Variants in HERC2 observed in about 807,000 individuals in gnomAD.
The protein encoded by HERC2 is HECT and RLD domain containing E3 ubiquitin protein ligase 2.
HERC2 carries 102 observed loss-of-function variants against 537.7 expected under a neutral mutation model. The observed-to-expected ratio is 0.19, with a 90% CI of 0.16 to 0.22. The LOEUF (loss-of-function observed/expected upper bound fraction) is 0.22, where lower values mean the gene tolerates loss of function less well. Among genes scored for constraint, HERC2 ranks in the 10% least tolerant of loss-of-function variants. The pLI, the probability that HERC2 is intolerant of heterozygous loss-of-function variation, is 1.00. For synonymous variants in HERC2, 2,224 were observed against 2,466.2 expected, an observed-to-expected ratio of 0.90 and a Z score of 2.91; for missense variants, 4,236 against 6,198.2, an observed-to-expected ratio of 0.68 and a Z score of 10.63.
At chr15:28,117,944 T>A in intron 86 of HERC2, 3 of 241,084 alleles carry the variant, frequency 1.2e-5, no homozygotes, top group Middle Eastern at 1.6e-3. Context: ...AAAAGAAAAA[T>A]TGAAGAAAAA....
rs148842793 is a variant in HERC2, at chr15:28,144,819, C to T, written c.11009-15G>A. 1.8e-4 allele frequency: 292 copies of T among 1,613,996 alleles called. No individual in the cohort carries two copies. The highest frequency in any genetic ancestry group is 4.0e-4 in the East Asian group (18 of 44,876). On this transcript the variant is annotated splice_polypyrimidine_tract_variant and intron_variant, in intron 71 of 92. Coordinates refer to ENST00000261609, the MANE Select transcript of HERC2 (RefSeq NM_004667.6). ...CCACTCTCGGCCTGCGGGAGGAAAG[C>T]GCACCCCGGGGTTAGCTTCACTCCA...
intron 35 of HERC2, among the ~76,000 whole-genome samples, chr15:28,227,862 C>G (rs1173917475): frequency 6.6e-6 from 1 of 152,006 alleles, no homozygotes; most frequent in Non-Finnish European, 1.5e-5. Context: ...GACACAAAGG[C>G]CACAAATGGT....
intron 78 of HERC2, among the ~76,000 whole-genome samples, chr15:28,140,309 C>A (rs1359973666): frequency 1.3e-5 from 2 of 152,062 alleles, no homozygotes; most frequent in Non-Finnish European, 2.9e-5. Flanking sequence ...ACCGCAACCC[C>A]AGCCTGCACC....
rs200515902 is a variant in HERC2 at position 28,274,926 on chromosome 15, G to C, written c.622C>G (p.Leu208Val). 7.2e-5 allele frequency: 116 copies of C among 1,611,648 alleles called. No individual in the cohort carries two copies. The highest frequency in any genetic ancestry group is 7.6e-6 in the Non-Finnish European group (9 of 1,179,792). ...RAALSFAFAF[L>V]RRAWRSGEDA... ...GTACCTGATCGCCAGGCCCTGCGCA[G>C]GAAGGCAAAGGCAAAAGACAGCGCC... is the stretch of plus-strand genomic sequence containing the variant. Residue 208 changes from leucine (L) to valine (V), a missense_variant, in exon 6 of 93, where the codon CTG becomes GTG. Physicochemically the swap from Leu to Val is conservative, Grantham distance 32. Around this residue, in one of 27 missense-constraint regions of HERC2, gnomAD observed 491 missense variants for 559.3 expected, o/e 0.88. Transcript: ENST00000261609.
intron 35 of HERC2, among the ~76,000 whole-genome samples, chr15:28,227,913 A>T (rs1901389056): frequency 6.6e-6 from 1 of 152,198 alleles, no homozygotes; most frequent in South Asian, 2.1e-4. Context: ...ATGCAAATCC[A>T]TAGACAGGGA....
intron 2 of HERC2, among the ~76,000 whole-genome samples, chr15:28,318,787 A>G (rs1471861012): frequency 6.6e-6 from 1 of 151,660 alleles, no homozygotes; most frequent in African/African-American, 2.4e-5. Flanking sequence ...TGCTCTCTAT[A>G]ACACACAAGC....
intron 2 of HERC2, among the ~76,000 whole-genome samples, chr15:28,318,047 T>C (rs2077135702): frequency 6.6e-6 from 1 of 152,220 alleles, no homozygotes; most frequent in South Asian, 2.1e-4. Flanking sequence ...CATTCTGGAC[T>C]TATGCTCAAA....
At chr15:28,238,531 T>G in intron 24 of HERC2, 71 bp downstream of exon 24, 2 of 1,288,994 alleles carry the variant, frequency 1.6e-6, no homozygotes, top group Non-Finnish European at 2.2e-6. Context: ...AAATCATTTA[T>G]AAGCCAAATA....
intron 9 of HERC2, 92 bp downstream of exon 9, chr15:28,272,123 A>G: frequency 8.4e-7 from 1 of 1,192,828 alleles, no homozygotes; most frequent in African/African-American, 1.5e-5. Flanking sequence ...ACGCCAGAGA[A>G]AAACACTGCC....
intron 65 of HERC2, among the ~76,000 whole-genome samples, chr15:28,170,216 G>T (rs1200918629): frequency 6.6e-6 from 1 of 152,168 alleles, no homozygotes; most frequent in Admixed American, 6.5e-5. Flanking sequence ...AAATGTACAT[G>T]GAAAGGCAAA....
At position 28,233,498 on chromosome 15, in the gene HERC2, G is replaced by A. The variant is rs370718552; in HGVS notation, c.4415C>T (p.Thr1472Met). 9.8e-6 allele frequency: 15 copies of A among 1,533,238 alleles called. No individual in the cohort carries two copies. The highest frequency in any genetic ancestry group is 2.2e-5 in the East Asian group (1 of 44,458). The allele number at this position is 1,533,238 out of a possible 1,614,324, so 95.0% of individuals were successfully genotyped here. Residue 1472 changes from threonine (T) to methionine (M), a missense_variant, in exon 29 of 93, where the codon ACG becomes ATG. Thr to Met is a moderately conservative substitution (Grantham distance 81). Coordinates refer to ENST00000261609, the MANE Select transcript of HERC2 (RefSeq NM_004667.6). ...ALGIEQVKHR[T>M]LPKSVVDVCR... ...AACATCCACCACTGACTTAGGCAAC[G>A]TTCTGTGCTTTACTTGCTCAATACC... is the stretch of plus-strand genomic sequence containing the variant.
chr15:28,301,801 C>CTT (rs11307271), intron 2 of HERC2, among the ~76,000 whole-genome samples: 1 of 48,314 alleles, frequency 2.1e-5, no homozygotes, highest in Non-Finnish European at 4.1e-5. Flanking sequence ...TTCTATCTAA[C>CTT]TTTTTTTTTT....
At chr15:28,160,229 G>A (rs187786529) in intron 69 of HERC2, among the ~76,000 whole-genome samples, 66 of 152,280 alleles carry the variant, frequency 4.3e-4, no homozygotes, top group East Asian at 5.8e-4. Context: ...CTCAAACTCC[G>A]TTCTGGGAGA....
chr15:28,167,587 G>C, intron 68 of HERC2, 100 bp downstream of exon 68: 1 of 1,403,536 alleles, frequency 7.1e-7, no homozygotes, highest in Non-Finnish European at 1.0e-6. Flanking sequence ...AGGTGAATGG[G>C]ATAGGAATAG....
chr15:28,230,278 C>T, intron 31 of HERC2, 89 bp downstream of exon 31: 3 of 1,355,522 alleles, frequency 2.2e-6, no homozygotes, highest in Non-Finnish European at 3.1e-6. Context: ...CCGTCCCTCC[C>T]TCCAGATGCT....
At position 28,116,777 on chromosome 15, in the gene HERC2, G is replaced by T. The variant is rs772882556; in HGVS notation, c.13497C>A (p.Pro4499=). 1.2e-6 allele frequency: 2 copies of T among 1,613,856 alleles called. No homozygotes were observed. The highest frequency in any genetic ancestry group is 1.7e-6 in the Non-Finnish European group (2 of 1,180,012). ...TCCCGTTGGGTGTCACGATCAGCAG[G>T]GGCGTGAGTCCGTTCTGCAGCTCCT... ...ICEELQNGLT[P]LLIVTPNGRD... The change falls in exon 88 of 93, where the codon CCC becomes CCA. Residue 4499 remains proline, a synonymous_variant. Transcript: ENST00000261609.
intron 44 of HERC2, among the ~76,000 whole-genome samples, chr15:28,208,033 G>A (rs1231421869): frequency 6.6e-6 from 1 of 152,146 alleles, no homozygotes; most frequent in African/African-American, 2.4e-5. Flanking sequence ...CTGCTCATTG[G>A]GCTGAGTGCA....
intron 4 of HERC2, among the ~76,000 whole-genome samples, chr15:28,284,363 C>A (rs1023741529): frequency 6.6e-6 from 1 of 151,232 alleles, no homozygotes; most frequent in Non-Finnish European, 1.5e-5. Flanking sequence ...ATAGAAAATA[C>A]AAAACAAAAT....
chr15:28,255,905 T>G lies in HERC2; in HGVS notation c.2838A>C (p.Ser946=). 6.2e-7 allele frequency: 1 copy of G among 1,602,430 alleles called. No homozygotes were observed. Among genetic ancestry groups the G allele is most frequent in the East Asian group, 2.2e-5 (1 of 44,878 alleles). The change falls in exon 19 of 93, where the codon TCA becomes TCC. Residue 946 remains serine (S), a synonymous_variant. Transcript: ENST00000261609. ...CTGCAGTAATGGCTGCGTGTAAGGC[T>G]GACTCCAACCCTCCATCAGCCATCA... ...GSLMADGGLE[S]ALHAAITAEI...
Sources: gnomAD v4.1 joint callset for allele counts (sites outside exome capture counted in the v4.1 genomes callset) on GRCh38, gnomAD v4.1.1 for gene constraint, gnomAD v4.1.1 regional missense constraint, MANE v1.5 for transcripts, NCBI Gene and HGNC (gene_info 2026-07-23, HGNC 2026-07-21) for gene names.